The following DTD1 variants were observed in gnomAD, a reference collection of about 807,000 sequenced individuals.
DTD1 encodes the protein D-tyrosyl-tRNA deacylase 1 homolog.
DTD1 carries 13 observed loss-of-function variants against 25.6 expected under a neutral mutation model. The ratio of observed to expected loss-of-function variants is 0.51; its 90% CI spans 0.33 to 0.81. DTD1 has a LOEUF of 0.81. DTD1 is among the 30% of genes least tolerant of loss of function. The probability of loss-of-function intolerance (pLI) is 0.02; values close to 1 mark genes in which losing one functional copy is unlikely to be tolerated. For missense variants in DTD1, 193 were observed against 266.4 expected, an observed-to-expected ratio of 0.72 and a Z score of 1.92; for synonymous variants, 110 against 103.6, an observed-to-expected ratio of 1.06 and a Z score of -0.37.
intron 4 of DTD1, among the ~76,000 whole-genome samples, chr20:18,703,961 C>G (rs1425599707): frequency 6.6e-6 from 1 of 151,180 alleles, no homozygotes; most frequent in Non-Finnish European, 1.5e-5. Context: ...AGAACACTGG[C>G]CAGGGTAGAT....
intron 3 of DTD1, among the ~76,000 whole-genome samples, chr20:18,609,625 T>C (rs1011900647): frequency 3.7e-4 from 56 of 152,304 alleles, no homozygotes; most frequent in African/African-American, 1.3e-3. Context: ...GATGTGCTCA[T>C]GTTTAGATGG....
At chr20:18,632,056 A>G in intron 4 of DTD1, 1 of 862,244 alleles carries the variant, frequency 1.2e-6, no homozygotes, top group Non-Finnish European at 1.4e-6. Context: ...AAAGGACGGT[A>G]ACTGTGTGAG....
At chr20:18,759,047 A>G (rs532322455) in intron 5 of DTD1, among the ~76,000 whole-genome samples, 130 of 152,316 alleles carry the variant, frequency 8.5e-4, no homozygotes, top group African/African-American at 3.0e-3. Flanking sequence ...ATCAGAGACT[A>G]GGATTGCAAC....
chr20:18,707,782 C>G (rs1296827246), intron 4 of DTD1, among the ~76,000 whole-genome samples: 5 of 152,140 alleles, frequency 3.3e-5, no homozygotes, highest in African/African-American at 9.7e-5. Context: ...CTCACACACT[C>G]TCTCACACAC....
chr20:18,712,638 T>C (rs1441965683), intron 4 of DTD1, among the ~76,000 whole-genome samples: 1 of 152,144 alleles, frequency 6.6e-6, no homozygotes, highest in Non-Finnish European at 1.5e-5. Context: ...CACAGGCTTT[T>C]CAATAAAGTA....
At chr20:18,718,815 A>G (rs1376888396) in intron 4 of DTD1, among the ~76,000 whole-genome samples, 1 of 152,150 alleles carries the variant, frequency 6.6e-6, no homozygotes, top group Non-Finnish European at 1.5e-5. Context: ...AACTTATTTT[A>G]TGTTCCCTTT....
At chr20:18,762,418 A>T (rs2061366643) in intron 5 of DTD1, among the ~76,000 whole-genome samples, 1 of 152,206 alleles carries the variant, frequency 6.6e-6, no homozygotes, top group African/African-American at 2.4e-5. Flanking sequence ...AAACCCTGAG[A>T]CACTTGGACT....
Position 18,720,720 on chromosome 20 carries a change from T to C in DTD1, c.478-23380T>C, listed in dbSNP as rs1012703571. On this transcript the variant is annotated intron_variant, in intron 4 of 5. Transcript: ENST00000377452. Reference sequence around the variant, plus strand: ...AAAACATACAAAAATTAGCCAGGCATGGCAGTGTGTGCCTGTAGTCCCAGC... The same window carrying C: ...AAAACATACAAAAATTAGCCAGGCACGGCAGTGTGTGCCTGTAGTCCCAGC... 3.3e-5 allele frequency among the ~76,000 whole-genome samples: 5 copies of C among 152,250 alleles called. No homozygotes were observed. The East Asian group carries it at 7.7e-4, about 24-fold the overall frequency.
chr20:18,613,951 ACT>A (rs1205147584), intron 3 of DTD1, among the ~76,000 whole-genome samples: 3 of 152,098 alleles, frequency 2.0e-5, no homozygotes, highest in African/African-American at 7.2e-5. Flanking sequence ...AAACACCCCC[ACT>A]GTTTTTCTTT....
At chr20:18,639,109 C>A (rs1272118804) in intron 4 of DTD1, among the ~76,000 whole-genome samples, 1 of 151,172 alleles carries the variant, frequency 6.6e-6, no homozygotes, top group Non-Finnish European at 1.5e-5. Context: ...CGATGCTCAC[C>A]CCTGGTTTTT....
intron 3 of DTD1, among the ~76,000 whole-genome samples, chr20:18,601,520 A>G (rs2060634833): frequency 8.2e-6 from 1 of 121,340 alleles, no homozygotes; most frequent in South Asian, 2.5e-4. Context: ...AAAAAAAAAA[A>G]GCAGTCTGAC....
rs1600372785 is a variant in DTD1 at position 18,693,158 on chromosome 20, G to A, written c.478-50942G>A. Among the ~76,000 whole-genome samples, 6 of 152,250 alleles carry A rather than the reference G, an allele frequency of 3.9e-5. No individual in the cohort carries two copies. In the South Asian group the frequency reaches 1.2e-3, roughly 32 times the overall value. ...TCCACCCGCCTCGGCTTCCCAAAAT[G>A]CTGGGATTACAGGCGTAAGCCACTG... is the stretch of plus-strand genomic sequence containing the variant. On this transcript the variant is annotated intron_variant, in intron 4 of 5. Coordinates refer to ENST00000377452, the MANE Select transcript of DTD1 (RefSeq NM_080820.6).
intron 4 of DTD1, among the ~76,000 whole-genome samples, chr20:18,647,115 T>G (rs1288227425): frequency 1.3e-5 from 2 of 152,226 alleles, no homozygotes; most frequent in African/African-American, 4.8e-5. Context: ...GCAAATAACT[T>G]AATTTTCATC....
At chr20:18,678,530 T>C (rs1770439272) in intron 4 of DTD1, among the ~76,000 whole-genome samples, 1 of 152,218 alleles carries the variant, frequency 6.6e-6, no homozygotes, top group African/African-American at 2.4e-5. Flanking sequence ...CGATTGCAGG[T>C]GAGACCATAT....
chr20:18,668,461 G>A (rs2060939912), intron 4 of DTD1, among the ~76,000 whole-genome samples: 1 of 152,176 alleles, frequency 6.6e-6, no homozygotes, highest in South Asian at 2.1e-4. Context: ...AATGGCAGCT[G>A]AATCCTGCCA....
chr20:18,758,822 C>G (rs1169799368), intron 5 of DTD1, among the ~76,000 whole-genome samples: 1 of 152,108 alleles, frequency 6.6e-6, no homozygotes, highest in South Asian at 2.1e-4. Flanking sequence ...TCCTGTATAT[C>G]CTTGTTGACT....
intron 3 of DTD1, among the ~76,000 whole-genome samples, chr20:18,618,525 A>G (rs1053337491): frequency 5.3e-5 from 8 of 149,844 alleles, no homozygotes; most frequent in Non-Finnish European, 1.2e-4. Flanking sequence ...CAGCTAATAT[A>G]GATATAAAAA....
chr20:18,711,175 T>C (rs555491117), intron 4 of DTD1, among the ~76,000 whole-genome samples: 73 of 152,310 alleles, frequency 4.8e-4, no homozygotes, highest in African/African-American at 1.7e-3. Flanking sequence ...TAAGCACTAA[T>C]CTTTTCCTGA....
intron 4 of DTD1, among the ~76,000 whole-genome samples, chr20:18,660,934 G>A (rs964747285): frequency 9.8e-5 from 15 of 152,288 alleles, no homozygotes; most frequent in African/African-American, 3.4e-4. Flanking sequence ...TCCCAACCAG[G>A]ATATTGACAG....
Sources: gnomAD v4.1 joint callset for allele counts (sites outside exome capture counted in the v4.1 genomes callset) on GRCh38, gnomAD v4.1.1 for gene constraint, MANE v1.5 for transcripts, NCBI Gene and HGNC (gene_info 2026-07-23, HGNC 2026-07-21) for gene names.